MACROD2: variants seen among roughly 807,000 people sequenced by gnomAD.
MACROD2 encodes the protein mono-ADP ribosylhydrolase 2.
In MACROD2, 36 loss-of-function variants were observed where a neutral mutation model predicts 70.4. That is an observed-to-expected ratio of 0.51 (90% CI 0.39 to 0.68). MACROD2 has a LOEUF of 0.68. Among genes scored for constraint, MACROD2 ranks in the 30% least tolerant of loss-of-function variants. The pLI is 0.00. For missense variants in MACROD2, 496 were observed against 538.4 expected, an observed-to-expected ratio of 0.92 and a Z score of 0.78; for synonymous variants, 172 against 178.8, an observed-to-expected ratio of 0.96 and a Z score of 0.30.
chr20:14,105,985 C>T (rs1191215756), intron 3 of MACROD2, among the ~76,000 whole-genome samples: 1 of 152,204 alleles, frequency 6.6e-6, no homozygotes, highest in East Asian at 1.9e-4. Flanking sequence ...AGATAGCATA[C>T]CATGGACCTT....
At chr20:16,035,244 A>C (rs1016215490) in intron 15 of MACROD2, among the ~76,000 whole-genome samples, 2 of 147,794 alleles carry the variant, frequency 1.4e-5, no homozygotes, top group Non-Finnish European at 3.0e-5. Context: ...TTCTTTATCC[A>C]CTCATTGACT....
chr20:15,104,105 T>C (rs551515286), intron 5 of MACROD2, among the ~76,000 whole-genome samples: 8 of 152,182 alleles, frequency 5.3e-5, no homozygotes, highest in Middle Eastern at 3.4e-3. Context: ...AGTCAAGTGT[T>C]AAAGAAGGCA....
At chr20:15,707,339 C>T (rs2032685308) in intron 8 of MACROD2, among the ~76,000 whole-genome samples, 1 of 152,158 alleles carries the variant, frequency 6.6e-6, no homozygotes, top group Admixed American at 6.5e-5. Context: ...GTAAATCATT[C>T]AGTATTCAGT....
intron 7 of MACROD2, among the ~76,000 whole-genome samples, chr20:15,445,518 T>G (rs2046551928): frequency 6.6e-6 from 1 of 152,178 alleles, no homozygotes; most frequent in South Asian, 2.1e-4. Context: ...TTATGTGTTG[T>G]AAGACAGCAG....
At chr20:15,182,694 A>T (rs1185983482) in intron 5 of MACROD2, among the ~76,000 whole-genome samples, 1 of 152,140 alleles carries the variant, frequency 6.6e-6, no homozygotes, top group East Asian at 1.9e-4. Flanking sequence ...CGTGGAGAAA[A>T]ACTGGAGACA....
intron 3 of MACROD2, among the ~76,000 whole-genome samples, chr20:14,092,594 T>C (rs1235744218): frequency 6.6e-6 from 1 of 152,230 alleles, no homozygotes; most frequent in Non-Finnish European, 1.5e-5. Context: ...AAAAGCTTTT[T>C]GGTATTATGC....
intron 7 of MACROD2, among the ~76,000 whole-genome samples, chr20:15,483,564 T>G (rs1222593279): frequency 6.6e-6 from 1 of 152,164 alleles, no homozygotes; most frequent in Non-Finnish European, 1.5e-5. Flanking sequence ...TTAGAATCAG[T>G]TTGTTTATAT....
chr20:14,984,396 A>G (rs2074830241), intron 5 of MACROD2, among the ~76,000 whole-genome samples: 1 of 152,170 alleles, frequency 6.6e-6, no homozygotes, highest in Non-Finnish European at 1.5e-5. Context: ...ACTAAAATGC[A>G]GATTTCACCA....
chr20:15,066,725 C>CA (rs537110258), intron 5 of MACROD2, among the ~76,000 whole-genome samples: 7 of 151,576 alleles, frequency 4.6e-5, no homozygotes, highest in South Asian at 2.1e-4. Context: ...ACTAAAAATA[C>CA]AAAAAAATTA....
intron 13 of MACROD2, among the ~76,000 whole-genome samples, chr20:15,976,727 CTTTA>C (rs2066312018): frequency 6.6e-6 from 1 of 150,888 alleles, no homozygotes; most frequent in South Asian, 2.1e-4. Context: ...TTTTAATTAA[CTTTA>C]TTTAAGAAAA....
At chr20:14,751,219 T>C (rs929056430) in intron 5 of MACROD2, among the ~76,000 whole-genome samples, 1 of 152,242 alleles carries the variant, frequency 6.6e-6, no homozygotes, top group East Asian at 1.9e-4. Flanking sequence ...CCTTGGCCTG[T>C]GCCATCCTTA....
intron 6 of MACROD2, among the ~76,000 whole-genome samples, chr20:15,358,165 T>C (rs1310760441): frequency 6.6e-6 from 1 of 152,224 alleles, no homozygotes; most frequent in Non-Finnish European, 1.5e-5. Flanking sequence ...TCCACCTTCA[T>C]GATTTTGGAC....
chr20:14,325,556 A>G, intron 3 of MACROD2: 1 of 1,605,884 alleles, frequency 6.2e-7, no homozygotes, highest in Non-Finnish European at 8.5e-7. Context: ...GTCCTTCAGC[A>G]TCATGAGTGT....
At chr20:14,325,847 T>C (rs1413868947) in intron 3 of MACROD2, 22 of 1,613,932 alleles carry the variant, frequency 1.4e-5, no homozygotes, top group Non-Finnish European at 1.9e-5. Flanking sequence ...GATCCATTCC[T>C]ATGAACATAC....
rs548454217 is a variant in MACROD2, at chr20:15,891,459, A to C, written c.775+5648A>C. Among the ~76,000 whole-genome samples the C allele has an allele frequency of 6.0e-4, 92 of 152,324 alleles. 2 individuals carry two copies. The highest frequency in any genetic ancestry group is 2.1e-3 in the African/African-American group (87 of 41,560). On this transcript the variant is annotated intron_variant, in intron 10 of 17. Transcript: ENST00000684519. ...AATGTGATCTGGTTTATGTTTCAAA[A>C]GCTCACACTGGCTGCTGTGTTGAGG...
At chr20:15,950,454 C>T (rs1214457734) in intron 12 of MACROD2, among the ~76,000 whole-genome samples, 2 of 152,116 alleles carry the variant, frequency 1.3e-5, no homozygotes, top group African/African-American at 2.4e-5. Flanking sequence ...CCCAAAGATC[C>T]ATGTGTCACC....
At chr20:14,023,056 T>C (rs1429345713) in intron 2 of MACROD2, among the ~76,000 whole-genome samples, 1 of 152,228 alleles carries the variant, frequency 6.6e-6, no homozygotes, top group Non-Finnish European at 1.5e-5. Flanking sequence ...CCATGTCCTC[T>C]CCAGCATCTG....
chr20:15,218,899 A>G (rs911583365), intron 5 of MACROD2, among the ~76,000 whole-genome samples: 1 of 152,166 alleles, frequency 6.6e-6, no homozygotes, highest in South Asian at 2.1e-4. Flanking sequence ...ACAAAAAATT[A>G]GCCAGGCGTG....
At chr20:14,609,736 T>C (rs1384128065) in intron 4 of MACROD2, among the ~76,000 whole-genome samples, 2 of 152,128 alleles carry the variant, frequency 1.3e-5, no homozygotes, top group Non-Finnish European at 1.5e-5. Flanking sequence ...GATGGGTTTA[T>C]GTGGAAACAG....
Sources: gnomAD v4.1 joint callset for allele counts (sites outside exome capture counted in the v4.1 genomes callset) on GRCh38, gnomAD v4.1.1 for gene constraint, MANE v1.5 for transcripts, NCBI Gene and HGNC (gene_info 2026-07-23, HGNC 2026-07-21) for gene names.